The following DERA variants were observed in gnomAD, a reference collection of about 807,000 sequenced individuals.
DERA encodes 2-deoxy-D-ribose 5-phosphate aldolase.
In DERA, 15 loss-of-function variants were observed where a neutral mutation model predicts 41.1. The observed-to-expected ratio is 0.37, with a 90% confidence interval of 0.24 to 0.56. The LOEUF is 0.56. DERA is among the 20% of genes least tolerant of loss of function. The pLI is 0.81. For missense variants in DERA, 396 were observed against 403.4 expected (o/e 0.98, Z 0.16); for synonymous variants, 139 against 137.4 (o/e 1.01, Z -0.08).
At position 15,998,775 on chromosome 12, in the gene DERA, G is replaced by T. The variant is rs2136171752; in HGVS notation, c.637+16339G>T. Among the ~76,000 whole-genome samples, 1 of 152,134 alleles carries T rather than the reference G, an allele frequency of 6.6e-6. No individual in the cohort carries two copies. The highest frequency in any genetic ancestry group is 1.9e-4 in the East Asian group (1 of 5,186). On this transcript the variant is annotated intron_variant, in intron 6 of 8. Coordinates refer to ENST00000428559, the MANE Select transcript of DERA (RefSeq NM_015954.4). The surrounding 1 kb of genome is among the most constrained non-coding windows in gnomAD (Gnocchi z 4.8). ...TTGCAATGTGCTTATTTGGACCGCT[G>T]AACTTACATCCCCAAAGAAACAAGA...
intron 1 of DERA, among the ~76,000 whole-genome samples, chr12:15,952,822 C>G (rs1948508640): frequency 1.3e-5 from 2 of 152,218 alleles, no homozygotes. Flanking sequence ...TACAAGTAAG[C>G]CATAGTCAGT....
At position 16,012,048 on chromosome 12, in the gene DERA, C is replaced by G. The variant is rs1471118296; in HGVS notation, c.638-20494C>G. Reference sequence around the variant, plus strand: ...ATGCATAACTAAGTCAGTGTTTCCTCAAAAGGGGCAGAGTTTGGTAAAGAA... The same window carrying G: ...ATGCATAACTAAGTCAGTGTTTCCTGAAAAGGGGCAGAGTTTGGTAAAGAA... On this transcript the variant is annotated intron_variant, in intron 6 of 8. Coordinates refer to ENST00000428559, the MANE Select transcript of DERA (RefSeq NM_015954.4). This position sits in a 1 kb window ranked among gnomAD's most constrained non-coding sequence, Gnocchi z 4.1. 1.3e-5 allele frequency among the ~76,000 whole-genome samples: 2 copies of G among 152,170 alleles called. No homozygotes were observed. The highest frequency in any genetic ancestry group is 2.9e-5 in the Non-Finnish European group (2 of 68,026).
Position 15,931,008 on chromosome 12 carries a change from CT to C in DERA, c.31+19601del, listed in dbSNP as rs1186069109. On this transcript the variant is annotated intron_variant, in intron 1 of 8. Transcript: ENST00000428559. This position sits in a 1 kb window ranked among gnomAD's most constrained non-coding sequence, Gnocchi z 4.6. The stretch of plus-strand genomic sequence containing the variant: ...CTTCAAGTTCCATTAATTGTTTCTT[CT>C]TTTTTTGAGAGCTTAATATACTTAT... Among the ~76,000 whole-genome samples, 1 of 152,020 alleles carries C rather than the reference CT, an allele frequency of 6.6e-6. No homozygotes were observed. Among genetic ancestry groups the C allele is most frequent in the Non-Finnish European group, 1.5e-5 (1 of 67,988 alleles).
At chr12:15,997,985 A>C (rs1948850546) in intron 6 of DERA, among the ~76,000 whole-genome samples, 1 of 152,216 alleles carries the variant, frequency 6.6e-6, no homozygotes, top group Admixed American at 6.5e-5. Flanking sequence ...TCTCATTTTA[A>C]AGGTGAGAAA....
Position 16,008,061 on chromosome 12 carries a change from C to T in DERA, c.638-24481C>T, listed in dbSNP as rs1948924758. Among the ~76,000 whole-genome samples, 1 of 152,184 alleles carries T rather than the reference C, an allele frequency of 6.6e-6. No homozygotes were observed. The highest frequency in any genetic ancestry group is 1.5e-5 in the Non-Finnish European group (1 of 68,034). On this transcript the variant is annotated intron_variant, in intron 6 of 8. Transcript: ENST00000428559. This position sits in a 1 kb window ranked among gnomAD's most constrained non-coding sequence, Gnocchi z 4.8. ...AGAGACAGAGTTTTGCCCTGTTGGC[C>T]TGGCTGGTCTTGAACTCGTGGCCTC...
chr12:16,036,511 T>G lies in DERA; in HGVS notation c.900+130T>G. On this transcript the variant is annotated intron_variant, in intron 8 of 8. Transcript: ENST00000428559. The surrounding 1 kb of genome is among the most constrained non-coding windows in gnomAD (Gnocchi z 4.9). ...TCATCCTACCCAATCCTCTACCTTT[T>G]CTTCCAAGCAAACCGCCATCAGAAG... The G allele has an allele frequency of 8.4e-7, 1 of 1,193,970 alleles. No homozygotes were observed. Among genetic ancestry groups the G allele is most frequent in the Non-Finnish European group, 1.2e-6 (1 of 860,366 alleles). 74.0% of individuals were successfully genotyped at this position (1,193,970 alleles called of 1,614,324 possible). A position where few individuals can be genotyped will look rare whatever the true frequency, so the allele number is the denominator to read the frequency against.
chr12:15,937,033 C>G (rs573206316), intron 1 of DERA, among the ~76,000 whole-genome samples: 1 of 152,200 alleles, frequency 6.6e-6, no homozygotes, highest in African/African-American at 2.4e-5. Context: ...AGTGCAGTGG[C>G]ATGAACATGG....
At position 15,996,247 on chromosome 12, in the gene DERA, A is replaced by T. The variant is rs1181672578; in HGVS notation, c.637+13811A>T. On this transcript the variant is annotated intron_variant, in intron 6 of 8. Transcript: ENST00000428559. The surrounding 1 kb of genome is among the most constrained non-coding windows in gnomAD (Gnocchi z 4.7). ...CACAGGGCCCCAAAATATAGAAAAC[A>T]TGGGAAAAGAGGAGTGTATTAGTTT... Among the ~76,000 whole-genome samples, 3 of 150,820 alleles carry T rather than the reference A, an allele frequency of 2.0e-5. No homozygotes were observed. Among genetic ancestry groups the T allele is most frequent in the African/African-American group, 7.3e-5 (3 of 41,184 alleles).
chr12:16,023,266 G>A lies in DERA; in HGVS notation c.638-9276G>A, dbSNP rs573731919. On this transcript the variant is annotated intron_variant, in intron 6 of 8. Transcript: ENST00000428559. ...GAATTTTAGGGAAGCCCAGAATAAA[G>A]AGGGGAGATAAAAACAAGAATACTA... Among the ~76,000 whole-genome samples, 621 of 152,282 alleles carry A rather than the reference G, an allele frequency of 4.1e-3. 5 individuals carry two copies. Among genetic ancestry groups the A allele is most frequent in the African/African-American group, 0.014 (577 of 41,560 alleles).
chr12:15,933,723 GTGTTTGAAATGTC>G (rs1235142174), intron 1 of DERA, among the ~76,000 whole-genome samples: 1 of 152,074 alleles, frequency 6.6e-6, no homozygotes, highest in East Asian at 1.9e-4. Flanking sequence ...TTTATACTCA[GTGTTTGAAATGTC>G]TGTCTTCTCC....
At position 16,036,304 on chromosome 12, in the gene DERA, G is replaced by C. The variant is rs1949127723; in HGVS notation, c.823G>C (p.Glu275Gln). The C allele has an allele frequency of 6.2e-7, 1 of 1,613,760 alleles. No individual in the cohort carries two copies. The highest frequency in any genetic ancestry group is 8.5e-7 in the Non-Finnish European group (1 of 1,179,762). ...SLAWLSLVKEELGDEWLKPEL... is the reference protein window; with the variant it reads ...SLAWLSLVKEQLGDEWLKPEL... The stretch of plus-strand genomic sequence containing the variant: ...TGCTTGGCTCTCTCTTGTAAAGGAG[G>C]AGCTTGGAGATGAGTGGCTGAAGCC... The change falls in exon 8 of 9, where the codon GAG (glutamate) becomes CAG (glutamine). Residue 275 changes from glutamate to glutamine, a missense_variant. Physicochemically the swap from Glu to Gln is conservative, Grantham distance 29 (BLOSUM62 2). Transcript: ENST00000428559. The surrounding 1 kb of genome is among the most constrained non-coding windows in gnomAD (Gnocchi z 4.9).
intron 6 of DERA, 22 bp from the exon 7 acceptor site, chr12:16,032,520 G>A: frequency 7.8e-7 from 1 of 1,277,446 alleles, no homozygotes; most frequent in East Asian, 2.9e-5. Flanking sequence ...TTAACATGGA[G>A]TTTTTCCTCT....
At chr12:15,929,528 T>G (rs1948312337) in intron 1 of DERA, among the ~76,000 whole-genome samples, 1 of 152,192 alleles carries the variant, frequency 6.6e-6, no homozygotes, top group Non-Finnish European at 1.5e-5. Flanking sequence ...CACAGTATTT[T>G]AGCACATGTT....
chr12:16,018,160 T>G (rs1276318387), intron 6 of DERA, among the ~76,000 whole-genome samples: 5 of 152,226 alleles, frequency 3.3e-5, no homozygotes, highest in African/African-American at 1.2e-4. Context: ...AGATATTATT[T>G]TTTTAAATAT....
rs1364136907 is a variant in DERA at position 16,020,372 on chromosome 12, C to A, written c.638-12170C>A. On this transcript the variant is annotated intron_variant, in intron 6 of 8. Coordinates refer to ENST00000428559, the MANE Select transcript of DERA (RefSeq NM_015954.4). This position sits in a 1 kb window ranked among gnomAD's most constrained non-coding sequence, Gnocchi z 5.5. ...AGAACAGCACGAAAGGGGAAATCTACCCCCATGATCCAATCTCTTCCTACC... is the reference window on the plus strand; with the variant it reads ...AGAACAGCACGAAAGGGGAAATCTAACCCCATGATCCAATCTCTTCCTACC... 6.6e-6 allele frequency among the ~76,000 whole-genome samples: 1 copy of A among 152,144 alleles called. No homozygotes were observed. The highest frequency in any genetic ancestry group is 1.5e-5 in the Non-Finnish European group (1 of 68,036).
rs1948221378 is a variant in DERA, at chr12:15,918,913, A to G, written c.31+7499A>G. ...ATGTTTCATTAACTATAGGAACTCA[A>G]TTTTCAGGTATCTAGTGTAATCTTC... On this transcript the variant is annotated intron_variant, in intron 1 of 8. Coordinates refer to ENST00000428559, the MANE Select transcript of DERA (RefSeq NM_015954.4). The surrounding 1 kb of genome is among the most constrained non-coding windows in gnomAD (Gnocchi z 4.3). 6.6e-6 allele frequency among the ~76,000 whole-genome samples: 1 copy of G among 152,056 alleles called. No homozygotes were observed. The highest frequency in any genetic ancestry group is 1.9e-4 in the East Asian group (1 of 5,188).
At chr12:15,987,055 C>T (rs142169296) in intron 6 of DERA, among the ~76,000 whole-genome samples, 2 of 152,042 alleles carry the variant, frequency 1.3e-5, no homozygotes, top group Non-Finnish European at 2.9e-5. Flanking sequence ...TTATCTTACT[C>T]TAGCTATGGT....
chr12:15,978,242 A>C (rs971042504), intron 5 of DERA, among the ~76,000 whole-genome samples: 1 of 152,198 alleles, frequency 6.6e-6, no homozygotes, highest in Non-Finnish European at 1.5e-5. Flanking sequence ...CCTAAACACT[A>C]ATAATGCTTC....
rs192006176 is a variant in DERA at position 16,010,858 on chromosome 12, C to T, written c.638-21684C>T. Among the ~76,000 whole-genome samples, 4 of 151,934 alleles carry T rather than the reference C, an allele frequency of 2.6e-5. No individual in the cohort carries two copies. The highest frequency in any genetic ancestry group is 2.0e-4 in the Admixed American group (3 of 15,274). The stretch of plus-strand genomic sequence containing the variant: ...TTAACACAACTTCTTTTATGAAAGA[C>T]AGGTCACTGTAAAAAGAAACTCTAC... On this transcript the variant is annotated intron_variant, in intron 6 of 8. Coordinates refer to ENST00000428559, the MANE Select transcript of DERA (RefSeq NM_015954.4). The surrounding 1 kb of genome is among the most constrained non-coding windows in gnomAD (Gnocchi z 5.5).
Sources: gnomAD v4.1 joint callset for allele counts (sites outside exome capture counted in the v4.1 genomes callset) on GRCh38, gnomAD v4.1.1 for gene constraint, Gnocchi (gnomAD v3.1) non-coding constraint, MANE v1.5 for transcripts, NCBI Gene and HGNC (gene_info 2026-07-23, HGNC 2026-07-21) for gene names.